Variants in WSCD2 observed in about 807,000 individuals in gnomAD.
The protein encoded by WSCD2 is WSC domain sialate O sulfotransferase 2, also known as sialate:O-sulfotransferase 2.
WSCD2 carries 28 observed loss-of-function variants against 55.7 expected under a neutral mutation model. That is an observed-to-expected ratio of 0.50 (90% CI 0.37 to 0.69). The LOEUF (loss-of-function observed/expected upper bound fraction) is 0.69, where lower values mean the gene tolerates loss of function less well. WSCD2 is among the 30% of genes least tolerant of loss of function. WSCD2 has a pLI of 0.00. For synonymous variants in WSCD2, 301 were observed against 301.9 expected, an observed-to-expected ratio of 1.00 and a Z score of 0.03; for missense variants, 616 against 762.1, an observed-to-expected ratio of 0.81 and a Z score of 2.26.
rs372958550 is a variant in WSCD2 at position 108,141,943 on chromosome 12, T to C, written c.-552+12017T>C. Among the ~76,000 whole-genome samples the C allele has an allele frequency of 7.2e-5, 11 of 152,258 alleles. No individual in the cohort carries two copies. The East Asian group carries it at 1.9e-3, about 27-fold the overall frequency. On this transcript the variant is annotated intron_variant, in intron 1 of 8. Transcript: ENST00000547525. ...AACTTGAGATGGGAGCCTATTGAAA[T>C]CCCTGCAAAGAGCAGAGAGAACAGG...
chr12:108,182,769 A>C (rs921451848), intron 1 of WSCD2, among the ~76,000 whole-genome samples: 2 of 152,250 alleles, frequency 1.3e-5, no homozygotes, highest in African/African-American at 4.8e-5. Flanking sequence ...CTATCTGCTT[A>C]AGAACAAAAG....
chr12:108,155,751 T>C (rs1344100164), intron 1 of WSCD2, among the ~76,000 whole-genome samples: 1 of 152,234 alleles, frequency 6.6e-6, no homozygotes, highest in South Asian at 2.1e-4. Context: ...AGATAATCTA[T>C]GCAAAGAGCA....
intron 7 of WSCD2, 196 bp downstream of exon 7, chr12:108,233,091 T>C: frequency 1.6e-6 from 1 of 628,044 alleles, no homozygotes; most frequent in Middle Eastern, 4.5e-4. Flanking sequence ...TCTTAAGTCA[T>C]GTCCTGGATA....
At chr12:108,216,516 T>C (rs1886848534) in intron 4 of WSCD2, among the ~76,000 whole-genome samples, 1 of 152,250 alleles carries the variant, frequency 6.6e-6, no homozygotes, top group East Asian at 1.9e-4. Flanking sequence ...GGATTTTCCT[T>C]GTAACTGAAA....
At chr12:108,142,349 A>G (rs944684436) in intron 1 of WSCD2, among the ~76,000 whole-genome samples, 1 of 152,140 alleles carries the variant, frequency 6.6e-6, no homozygotes, top group Non-Finnish European at 1.5e-5. Flanking sequence ...TCAAAACACC[A>G]CAGGTACCTG....
intron 7 of WSCD2, 62 bp from the exon 8 acceptor site, chr12:108,240,282 T>C (rs956347091): frequency 1.9e-6 from 3 of 1,593,364 alleles, no homozygotes; most frequent in Non-Finnish European, 2.6e-6. Flanking sequence ...CAGAAGAGAG[T>C]GGGGTGGGCT....
chr12:108,175,903 G>A (rs917119690), intron 1 of WSCD2, among the ~76,000 whole-genome samples: 25 of 152,132 alleles, frequency 1.6e-4, no homozygotes, highest in African/African-American at 4.6e-4. Context: ...GCAGTGGCAC[G>A]ATCTTGGCTC....
intron 1 of WSCD2, among the ~76,000 whole-genome samples, chr12:108,143,150 T>G (rs575247702): frequency 6.6e-6 from 1 of 152,346 alleles, no homozygotes. Flanking sequence ...GGCTCCCATT[T>G]TCTCTGTGTG....
chr12:108,215,610 A>C (rs561018145), intron 4 of WSCD2, among the ~76,000 whole-genome samples: 5 of 152,084 alleles, frequency 3.3e-5, no homozygotes, highest in Admixed American at 3.3e-4. Context: ...GTGTAATTCA[A>C]TCTCTCTCTG....
chr12:108,162,879 T>C (rs1413705718), intron 1 of WSCD2, among the ~76,000 whole-genome samples: 1 of 152,212 alleles, frequency 6.6e-6, no homozygotes, highest in East Asian at 1.9e-4. Flanking sequence ...ATTCATAAGA[T>C]ATCACTACAT....
intron 6 of WSCD2, among the ~76,000 whole-genome samples, chr12:108,228,147 A>T (rs183389453): frequency 8.3e-4 from 127 of 152,230 alleles, no homozygotes; most frequent in Admixed American, 1.0e-3. Context: ...GTTTCTCCTG[A>T]CCGAGGTATC....
chr12:108,217,983 G>C (rs1887047588), intron 4 of WSCD2, among the ~76,000 whole-genome samples: 1 of 152,040 alleles, frequency 6.6e-6, no homozygotes, highest in Non-Finnish European at 1.5e-5. Flanking sequence ...AGGCAGGCTG[G>C]AAGAAATCAC....
chr12:108,151,149 T>A (rs1330059223), intron 1 of WSCD2, among the ~76,000 whole-genome samples: 1 of 152,152 alleles, frequency 6.6e-6, no homozygotes, highest in Non-Finnish European at 1.5e-5. Flanking sequence ...CTGGTCAAAC[T>A]GCTGACCTAC....
Position 108,242,606 on chromosome 12 carries a change from G to C in WSCD2, c.1345+2062G>C, listed in dbSNP as rs144097584. On this transcript the variant is annotated intron_variant, in intron 8 of 8. Transcript: ENST00000547525. ...ATTACTGGGTGGAGCCTGGACATCAGTATATTTTTTTTCAACTTTTATTTT... is the reference window on the plus strand; with the variant it reads ...ATTACTGGGTGGAGCCTGGACATCACTATATTTTTTTTCAACTTTTATTTT... Among the ~76,000 whole-genome samples the C allele has an allele frequency of 2.3e-3, 348 of 152,236 alleles. 1 individual carries two copies. Among genetic ancestry groups the C allele is most frequent in the African/African-American group, 7.8e-3 (326 of 41,532 alleles).
intron 2 of WSCD2, chr12:108,196,441 T>C: frequency 1.6e-6 from 1 of 617,328 alleles, no homozygotes; most frequent in Non-Finnish European, 2.6e-6. Flanking sequence ...AAGAGGCAAG[T>C]TTGGATTTGA....
rs567435715 is a variant in WSCD2 at position 108,176,280 on chromosome 12, TCCATCAC to T, written c.-551-18999_-551-18993del. Among the ~76,000 whole-genome samples, 118 of 152,360 alleles carry T rather than the reference TCCATCAC, an allele frequency of 7.7e-4. 1 individual carries two copies. The highest frequency in any genetic ancestry group is 2.9e-3 in the Admixed American group (45 of 15,306). On this transcript the variant is annotated intron_variant, in intron 1 of 8. Transcript: ENST00000547525. ...TACTGCAATCAAGATGAACAAATGT[TCCATCAC>T]CCTCAATTCCTCTTTGCCCCTCTGT...
chr12:108,169,018 C>T (rs951529741), intron 1 of WSCD2, among the ~76,000 whole-genome samples: 1 of 152,182 alleles, frequency 6.6e-6, no homozygotes, highest in African/African-American at 2.4e-5. Flanking sequence ...TGAGCTCTGC[C>T]TCCTGTCAGA....
At position 108,169,349 on chromosome 12, in the gene WSCD2, T is replaced by C. The variant is rs530126574; in HGVS notation, c.-551-25933T>C. On this transcript the variant is annotated intron_variant, in intron 1 of 8. Transcript: ENST00000547525. ...CCAATCCCCCCCACCCCCTGGTCCA[T>C]GGAAAAATTGTCTTCAGTGAAACCG... 5.4e-5 allele frequency among the ~76,000 whole-genome samples: 8 copies of C among 149,098 alleles called. No individual in the cohort carries two copies. The South Asian group carries it at 1.3e-3, about 25-fold the overall frequency.
intron 1 of WSCD2, among the ~76,000 whole-genome samples, chr12:108,161,813 C>T (rs1456433348): frequency 6.6e-6 from 1 of 152,142 alleles, no homozygotes. Context: ...GGGTCAGAAC[C>T]CAGAACACAG....
Sources: gnomAD v4.1 joint callset for allele counts (sites outside exome capture counted in the v4.1 genomes callset) on GRCh38, gnomAD v4.1.1 for gene constraint, MANE v1.5 for transcripts, NCBI Gene and HGNC (gene_info 2026-07-23, HGNC 2026-07-21) for gene names.